Variants in AGBL4 observed in about 807,000 individuals in gnomAD.
AGBL4 encodes the protein cytosolic carboxypeptidase 6.
A neutral mutation model predicts 66.4 loss-of-function variants in AGBL4; 58 were observed. That is an observed-to-expected ratio of 0.87 (90% CI 0.71 to 1.09). AGBL4 has a LOEUF of 1.09. AGBL4 is among the 50% of genes least tolerant of loss of function. The pLI is 0.00. For synonymous variants in AGBL4, 234 were observed against 222.9 expected (o/e 1.05, Z -0.44); for missense variants, 579 against 631.0 (o/e 0.92, Z 0.88).
intron 2 of AGBL4, among the ~76,000 whole-genome samples, chr1:49,706,023 T>G (rs1647207899): frequency 6.6e-6 from 1 of 152,168 alleles, no homozygotes. Context: ...TTTTTTGTCG[T>G]GTCTGCCAGG....
chr1:49,806,662 A>G (rs1015879929), intron 2 of AGBL4, among the ~76,000 whole-genome samples: 5 of 152,212 alleles, frequency 3.3e-5, no homozygotes, highest in Admixed American at 6.5e-5. Flanking sequence ...GCCAAGTTCT[A>G]TTCATCAAAA....
chr1:48,875,460 A>T (rs1238160783), intron 5 of AGBL4, among the ~76,000 whole-genome samples: 1 of 152,192 alleles, frequency 6.6e-6, no homozygotes, highest in Non-Finnish European at 1.5e-5. Context: ...AAATTCCACA[A>T]CTAGGGGTTA....
At chr1:48,797,838 C>T (rs559734788) in intron 6 of AGBL4, among the ~76,000 whole-genome samples, 36 of 152,292 alleles carry the variant, frequency 2.4e-4, no homozygotes, top group African/African-American at 8.2e-4. Flanking sequence ...TGAGCCACTG[C>T]ACCCGGCCCA....
intron 2 of AGBL4, among the ~76,000 whole-genome samples, chr1:49,768,984 G>A (rs1483589464): frequency 6.6e-6 from 1 of 152,112 alleles, no homozygotes; most frequent in Non-Finnish European, 1.5e-5. Context: ...AAGTAGCTGG[G>A]ATTACAGGCA....
At chr1:49,532,243 C>T (rs1651198296) in intron 3 of AGBL4, among the ~76,000 whole-genome samples, 1 of 152,076 alleles carries the variant, frequency 6.6e-6, no homozygotes, top group Non-Finnish European at 1.5e-5. Flanking sequence ...GTACCTAAAA[C>T]AATTCCTGAA....
At chr1:49,858,088 T>C (rs979128863) in intron 1 of AGBL4, among the ~76,000 whole-genome samples, 1 of 151,970 alleles carries the variant, frequency 6.6e-6, no homozygotes, top group African/African-American at 2.4e-5. Flanking sequence ...AAAGGAGACA[T>C]ACAAATGTCC....
At chr1:49,982,464 G>A (rs1473504277) in intron 1 of AGBL4, among the ~76,000 whole-genome samples, 6 of 152,226 alleles carry the variant, frequency 3.9e-5, no homozygotes, top group Non-Finnish European at 8.8e-5. Flanking sequence ...AGGGGGTGCT[G>A]AGGGCAGCTC....
intron 6 of AGBL4, among the ~76,000 whole-genome samples, chr1:48,793,482 G>A (rs1645598835): frequency 6.6e-6 from 1 of 152,164 alleles, no homozygotes; most frequent in South Asian, 2.1e-4. Context: ...TCTAAGTCCA[G>A]CCCCTTTGGC....
At chr1:48,673,064 A>G (rs571381691) in intron 6 of AGBL4, among the ~76,000 whole-genome samples, 1 of 152,146 alleles carries the variant, frequency 6.6e-6, no homozygotes, top group Admixed American at 6.5e-5. Context: ...ATCTCAGGAG[A>G]CTAGTCTTTC....
intron 5 of AGBL4, among the ~76,000 whole-genome samples, chr1:48,940,173 T>C (rs1314892641): frequency 6.6e-6 from 1 of 151,846 alleles, no homozygotes; most frequent in African/African-American, 2.4e-5. Context: ...AGGTCAGGAG[T>C]TCGAAACCAG....
chr1:49,429,275 C>A (rs1645731885), intron 3 of AGBL4, among the ~76,000 whole-genome samples: 1 of 152,122 alleles, frequency 6.6e-6, no homozygotes, highest in Non-Finnish European at 1.5e-5. Flanking sequence ...TAGTTAGGCT[C>A]CCATAAGAAT....
intron 5 of AGBL4, among the ~76,000 whole-genome samples, chr1:48,951,040 C>T (rs1656937750): frequency 6.6e-6 from 1 of 152,054 alleles, no homozygotes; most frequent in South Asian, 2.1e-4. Context: ...TTATCTTGTC[C>T]AAACTTTTCA....
chr1:49,765,830 GAAGA>G (rs1159605611), intron 2 of AGBL4, among the ~76,000 whole-genome samples: 7 of 151,842 alleles, frequency 4.6e-5, no homozygotes, highest in African/African-American at 1.2e-4. Flanking sequence ...AGATCAAGCA[GAAGA>G]AAGAATTTCA....
chr1:49,176,433 A>G (rs1434001627), intron 4 of AGBL4, among the ~76,000 whole-genome samples: 1 of 151,990 alleles, frequency 6.6e-6, no homozygotes, highest in Non-Finnish European at 1.5e-5. Context: ...TACACACCAC[A>G]CTCCACGAAA....
At chr1:49,848,906 T>C (rs1200491338) in intron 2 of AGBL4, among the ~76,000 whole-genome samples, 1 of 152,210 alleles carries the variant, frequency 6.6e-6, no homozygotes, top group Non-Finnish European at 1.5e-5. Flanking sequence ...GCACTAGATA[T>C]TCCTAATCAA....
At chr1:49,157,010 T>C (rs1224021945) in intron 4 of AGBL4, among the ~76,000 whole-genome samples, 1 of 152,334 alleles carries the variant, frequency 6.6e-6, no homozygotes, top group Admixed American at 6.5e-5. Context: ...ATGAATTTAG[T>C]TCAAGTGGGG....
At chr1:48,699,987 G>A (rs1159505741) in intron 6 of AGBL4, among the ~76,000 whole-genome samples, 1 of 151,808 alleles carries the variant, frequency 6.6e-6, no homozygotes, top group Non-Finnish European at 1.5e-5. Context: ...TGCTCAGGCT[G>A]GTCTCAAACT....
At chr1:48,705,223 T>A (rs767652638) in intron 6 of AGBL4, among the ~76,000 whole-genome samples, 17 of 151,960 alleles carry the variant, frequency 1.1e-4, no homozygotes, top group Non-Finnish European at 2.1e-4. Flanking sequence ...TAAAAAACAG[T>A]TTATTAAAAA....
At position 49,618,320 on chromosome 1, in the gene AGBL4, G is replaced by C. The variant is rs368012479; in HGVS notation, c.282+78993C>G. Among the ~76,000 whole-genome samples the C allele has an allele frequency of 2.0e-3, 305 of 152,254 alleles. 2 individuals are homozygous for C. The highest frequency in any genetic ancestry group is 9.9e-3 in the South Asian group (48 of 4,826). ...AACAGTGCTGCAATAAACATGTGTG[G>C]ATGTGCCTTTACAGGAGAATGATGT... On this transcript the variant is annotated intron_variant, in intron 3 of 13. Transcript: ENST00000371839.
Sources: allele counts gnomAD v4.1 joint callset (sites outside exome capture counted in the v4.1 genomes callset), GRCh38; gene constraint gnomAD v4.1.1; transcripts MANE v1.5; gene names NCBI Gene and HGNC (gene_info 2026-07-23, HGNC 2026-07-21).